Variants in ABI2 observed in about 807,000 individuals in gnomAD.
ABI2 encodes the protein abelson interactor 2.
Under a neutral mutation model 59.2 loss-of-function variants are expected in ABI2, and 25 were observed. The ratio of observed to expected loss-of-function variants is 0.42; its 90% confidence interval spans 0.31 to 0.59. The LOEUF is 0.59. ABI2 is among the 20% of genes least tolerant of loss of function. The pLI, the probability that ABI2 is intolerant of heterozygous loss-of-function variation, is 0.14. For missense variants in ABI2, 545 were observed against 681.8 expected, an observed-to-expected ratio of 0.80 and a Z score of 2.23; for synonymous variants, 213 against 235.5, an observed-to-expected ratio of 0.90 and a Z score of 0.87.
At chr2:203,426,970 GC>G (rs2098441657) in intron 11 of ABI2, among the ~76,000 whole-genome samples, 2 of 151,778 alleles carry the variant, frequency 1.3e-5, no homozygotes, top group East Asian at 3.9e-4. Context: ...TCAATTTAGA[GC>G]CTAACATCCC....
At chr2:203,365,928 CG>C (rs1279979161) in intron 1 of ABI2, among the ~76,000 whole-genome samples, 1 of 151,800 alleles carries the variant, frequency 6.6e-6, no homozygotes, top group Non-Finnish European at 1.5e-5. Flanking sequence ...CGTGCCCGGC[CG>C]GGGCTGTTAT....
chr2:203,394,916 A>G, intron 6 of ABI2, 70 bp downstream of exon 6: 1 of 1,535,962 alleles, frequency 6.5e-7, no homozygotes. Context: ...ACTTCAGGTA[A>G]ATCTCTCATT....
intron 4 of ABI2, among the ~76,000 whole-genome samples, chr2:203,382,527 A>G (rs2096204444): frequency 6.6e-6 from 1 of 152,226 alleles, no homozygotes; most frequent in Non-Finnish European, 1.5e-5. Flanking sequence ...AAGCTACCCT[A>G]TCATAAAAAT....
chr2:203,387,046 G>A lies in ABI2; in HGVS notation c.481-4000G>A, dbSNP rs1273515837. Reference sequence around the variant, plus strand: ...TTTTGTCTCCTTTTTTTTCCCCGCAGGCTCCCTTCCTTTTTTTTTTTTTTT... The same window carrying A: ...TTTTGTCTCCTTTTTTTTCCCCGCAAGCTCCCTTCCTTTTTTTTTTTTTTT... On this transcript the variant is annotated intron_variant, in intron 4 of 11. Transcript: ENST00000261018. 4.2e-5 allele frequency among the ~76,000 whole-genome samples: 6 copies of A among 141,748 alleles called. No individual in the cohort carries two copies. The East Asian group carries it at 1.3e-3, about 31-fold the overall frequency. The allele number at this position is 141,748 out of a possible 152,430, so 93.0% of individuals were successfully genotyped here.
chr2:203,392,697 G>A (rs1185577685), intron 5 of ABI2, among the ~76,000 whole-genome samples: 4 of 152,008 alleles, frequency 2.6e-5, no homozygotes, highest in Non-Finnish European at 5.9e-5. Context: ...CATGTGTAGT[G>A]CCTTATGGAT....
chr2:203,402,734 G>C lies in ABI2; in HGVS notation c.1192G>C (p.Val398Leu). 3.9e-6 allele frequency: 6 copies of C among 1,555,696 alleles called. No individual in the cohort carries two copies. The highest frequency in any genetic ancestry group is 5.2e-6 in the Non-Finnish European group (6 of 1,159,130). ...AGGACCTTTTTATAGCCAGAATCCA[G>C]GTTAGTTTTTTTGTTTTTTTGCATT... ...NGGPFYSQNP[V>L]SLAPPPPSIL... is the part of the protein sequence containing the mutation. Residue 398 changes from valine to leucine, a missense_variant and splice_region_variant, in exon 9 of 12, where the codon GTA (valine) becomes CTA (leucine). Transcript: ENST00000261018.
chr2:203,426,438 G>A (rs1438021299), intron 11 of ABI2, among the ~76,000 whole-genome samples: 1 of 152,150 alleles, frequency 6.6e-6, no homozygotes, highest in East Asian at 1.9e-4. Flanking sequence ...AATAACCACT[G>A]AGATAATGAC....
rs181091449 is a variant in ABI2, at chr2:203,430,192, G to T, written c.*2840G>T. 139 of 152,154 alleles carry T rather than the reference G, an allele frequency of 9.1e-4. 2 individuals carry two copies. The highest frequency in any genetic ancestry group is 9.1e-3 in the Admixed American group (139 of 15,290). 9.4% of individuals were successfully genotyped at this position (152,154 alleles called of 1,614,324 possible). On this transcript the variant is annotated 3_prime_UTR_variant, in exon 12 of 12. Transcript: ENST00000261018. ...TGAGGGTAGTATTTTTTGTTTTATT[G>T]TAAGTTTCCCTCTTTTTTTATAAAT...
chr2:203,330,342 A>G (rs1205941041), intron 1 of ABI2, among the ~76,000 whole-genome samples: 1 of 151,066 alleles, frequency 6.6e-6, no homozygotes, highest in African/African-American at 2.4e-5. Flanking sequence ...CAAGTGGGGT[A>G]GAAAAGATTC....
intron 9 of ABI2, among the ~76,000 whole-genome samples, chr2:203,408,833 C>CTTTCTTTTTTTTTTTTTTT (rs1259310860): frequency 1.7e-4 from 15 of 87,202 alleles, no homozygotes; most frequent in East Asian, 2.5e-4. Context: ...CTTCTCCTTT[C>CTTTCTTTTTTTTTTTTTTT]TTTTTTTTTT....
At chr2:203,395,105 T>C in intron 6 of ABI2, 1 of 704,518 alleles carries the variant, frequency 1.4e-6, no homozygotes, top group South Asian at 1.5e-5. Context: ...AAAAAAATTA[T>C]GGACCAAATG....
At chr2:203,354,468 A>G (rs1012443460) in intron 1 of ABI2, among the ~76,000 whole-genome samples, 11 of 152,156 alleles carry the variant, frequency 7.2e-5, no homozygotes, top group Non-Finnish European at 2.9e-5. Context: ...TGAATCTTAT[A>G]TGAACATACT....
At chr2:203,405,016 C>A (rs1229368897) in intron 9 of ABI2, among the ~76,000 whole-genome samples, 1 of 152,112 alleles carries the variant, frequency 6.6e-6, no homozygotes, top group Non-Finnish European at 1.5e-5. Context: ...TTTTCAAATG[C>A]TTGAAAGTAT....
chr2:203,381,742 T>C (rs1039158756), intron 3 of ABI2, among the ~76,000 whole-genome samples: 9 of 152,206 alleles, frequency 5.9e-5, no homozygotes, highest in Admixed American at 5.9e-4. Context: ...TAGAATCTAA[T>C]GCCAAAAAGA....
chr2:203,426,785 T>TAA (rs59683844), intron 11 of ABI2, among the ~76,000 whole-genome samples: 12 of 131,828 alleles, frequency 9.1e-5, no homozygotes, highest in African/African-American at 1.9e-4. Flanking sequence ...AGAAAAGCTT[T>TAA]AAAAAAAAAA....
chr2:203,362,104 G>A (rs2093599629), intron 1 of ABI2, among the ~76,000 whole-genome samples: 1 of 152,174 alleles, frequency 6.6e-6, no homozygotes, highest in Non-Finnish European at 1.5e-5. Flanking sequence ...GACCCTGGAT[G>A]ACATAGTTCC....
chr2:203,423,468 C>T (rs1483368944), intron 11 of ABI2, among the ~76,000 whole-genome samples: 1 of 152,180 alleles, frequency 6.6e-6, no homozygotes, highest in African/African-American at 2.4e-5. Context: ...CTCTGTCGCT[C>T]AGGCTAGAGT....
intron 2 of ABI2, among the ~76,000 whole-genome samples, chr2:203,367,848 A>G (rs1249039759): frequency 6.6e-6 from 1 of 151,944 alleles, no homozygotes; most frequent in Admixed American, 6.6e-5. Context: ...TACCAAAAAT[A>G]CAAAAATTAG....
At chr2:203,375,992 G>A in intron 2 of ABI2, 1 of 1,259,172 alleles carries the variant, frequency 7.9e-7, no homozygotes, top group Non-Finnish European at 1.1e-6. Flanking sequence ...TTATACCGTT[G>A]TTAGATTACC....
Sources: allele counts gnomAD v4.1 joint callset (sites outside exome capture counted in the v4.1 genomes callset), GRCh38; gene constraint gnomAD v4.1.1; transcripts MANE v1.5; gene names NCBI Gene and HGNC (gene_info 2026-07-23, HGNC 2026-07-21).